Variants in MEGF10 observed in about 807,000 individuals in gnomAD.
MEGF10 encodes multiple epidermal growth factor-like domains protein 10.
Under a neutral mutation model 147.5 loss-of-function variants are expected in MEGF10, and 86 were observed. That is an observed-to-expected ratio of 0.58 (90% confidence interval 0.49 to 0.70). MEGF10 has a LOEUF of 0.70. MEGF10 is among the 30% of genes least tolerant of loss of function. The probability of loss-of-function intolerance (pLI) is 0.00; values close to 1 mark genes in which losing one functional copy is unlikely to be tolerated. For synonymous variants in MEGF10, 478 were observed against 525.5 expected, an observed-to-expected ratio of 0.91 and a Z score of 1.24; for missense variants, 1,329 against 1,487.3, an observed-to-expected ratio of 0.89 and a Z score of 1.75.
At chr5:127,280,178 TA>T in the MEGF10 span, among the ~76,000 whole-genome samples, 1 of 152,332 alleles carries the variant, frequency 6.6e-6, no homozygotes, top group South Asian at 2.1e-4. Flanking sequence ...TCTTCTTTGT[TA>T]AATATGAGAA....
In MEGF10 at chr5:127,405,976, T is replaced by C. The variant is rs185326992; in HGVS notation, c.917+3294T>C. Among the ~76,000 whole-genome samples, 253 of 152,304 alleles carry C rather than the reference T, an allele frequency of 1.7e-3. 1 individual carries two copies. The highest frequency in any genetic ancestry group is 5.7e-3 in the Admixed American group (87 of 15,306). ...ACTGACATCCTGGTTTTAGGTTGTA[T>C]TTTGGATAGATTAGGCTGTTAGATA... On this transcript the variant is annotated intron_variant, in intron 8 of 24. Transcript: ENST00000503335.
chr5:127,365,645 G>A (rs1316158300), intron 4 of MEGF10, among the ~76,000 whole-genome samples: 5 of 152,178 alleles, frequency 3.3e-5, no homozygotes, highest in African/African-American at 1.2e-4. Context: ...GGGAAAAGAC[G>A]TCTTGGCTGC....
chr5:127,319,058 T>A (rs1470163665), intron 1 of MEGF10, among the ~76,000 whole-genome samples: 1 of 74,588 alleles, frequency 1.3e-5, no homozygotes, highest in South Asian at 5.0e-4. Context: ...CCTCCCTCCC[T>A]CCCTTCCTCC....
chr5:127,376,763 G>A (rs1763046185), intron 5 of MEGF10, among the ~76,000 whole-genome samples: 1 of 152,204 alleles, frequency 6.6e-6, no homozygotes, highest in South Asian at 2.1e-4. Context: ...TAAGATGGTT[G>A]CAGTTATTGT....
chr5:127,258,088 A>G, the MEGF10 span, among the ~76,000 whole-genome samples: 1 of 152,230 alleles, frequency 6.6e-6, no homozygotes. Flanking sequence ...AGACCCATCA[A>G]TCTGATACTT....
chr5:127,305,864 C>A lies in MEGF10; in HGVS notation c.-19+14808C>A, dbSNP rs534684619. 4.6e-5 allele frequency among the ~76,000 whole-genome samples: 7 copies of A among 152,318 alleles called. No homozygotes were observed. In the South Asian group the frequency reaches 1.4e-3, roughly 32 times the overall value. The stretch of plus-strand genomic sequence containing the variant: ...AGTTGTCACCTCCCTGCACAATCAT[C>A]TTTGGTTGAAGATATTGAATTATAC... On this transcript the variant is annotated intron_variant, in intron 1 of 24. Coordinates refer to ENST00000503335, the MANE Select transcript of MEGF10 (RefSeq NM_001256545.2).
chr5:127,335,714 G>A (rs1761443719), intron 2 of MEGF10, among the ~76,000 whole-genome samples: 1 of 152,080 alleles, frequency 6.6e-6, no homozygotes, highest in East Asian at 1.9e-4. Flanking sequence ...TATGTGCATG[G>A]CATGATTATT....
chr5:127,307,860 G>A (rs1428008800), intron 1 of MEGF10, among the ~76,000 whole-genome samples: 7 of 152,176 alleles, frequency 4.6e-5, no homozygotes, highest in Admixed American at 1.3e-4. Flanking sequence ...ACAGAGCTTC[G>A]GTTCAGGAGT....
chr5:127,251,278 C>G, the MEGF10 span, among the ~76,000 whole-genome samples: 1 of 151,984 alleles, frequency 6.6e-6, no homozygotes, highest in Non-Finnish European at 1.5e-5. Flanking sequence ...CTAGGAGGAG[C>G]AGTATGCACA....
At chr5:127,307,752 C>A (rs1760078448) in intron 1 of MEGF10, among the ~76,000 whole-genome samples, 1 of 152,188 alleles carries the variant, frequency 6.6e-6, no homozygotes, top group Non-Finnish European at 1.5e-5. Flanking sequence ...ATGTTGCTAT[C>A]TTCTTTTATT....
chr5:127,299,746 T>G (rs1580678855), intron 1 of MEGF10, among the ~76,000 whole-genome samples: 1 of 22,988 alleles, frequency 4.4e-5, no homozygotes, highest in Non-Finnish European at 1.3e-4. Flanking sequence ...TTCCTTTTTG[T>G]TTTTTTTTTT....
Position 127,319,869 on chromosome 5 carries a change from G to A in MEGF10, c.-18-11422G>A, listed in dbSNP as rs572887113. ...TTATTATCTTTGCGTATAGCAATTC[G>A]TATTATTGGGCAAGACAGACTGACA... On this transcript the variant is annotated intron_variant, in intron 1 of 24. Transcript: ENST00000503335. Among the ~76,000 whole-genome samples, 277 of 152,292 alleles carry A rather than the reference G, an allele frequency of 1.8e-3. 1 individual carries two copies. Among genetic ancestry groups the A allele is most frequent in the African/African-American group, 6.3e-3 (261 of 41,570 alleles).
At chr5:127,348,117 G>A (rs27388) in intron 4 of MEGF10, among the ~76,000 whole-genome samples, 83,532 of 151,760 alleles carry the variant, frequency 0.55, 23,281 homozygotes, top group Middle Eastern at 0.74. Context: ...ATTTTCATGA[G>A]GTTTAAAGTA....
intron 4 of MEGF10, among the ~76,000 whole-genome samples, chr5:127,352,776 G>T (rs974500142): frequency 6.6e-6 from 1 of 152,206 alleles, no homozygotes; most frequent in Non-Finnish European, 1.5e-5. Context: ...AGAGCCATAA[G>T]AACAATGAAT....
the MEGF10 span, among the ~76,000 whole-genome samples, chr5:127,263,969 C>G: frequency 6.6e-6 from 1 of 152,112 alleles, no homozygotes; most frequent in Admixed American, 6.5e-5. Context: ...AAGAGCAACA[C>G]AAATTCACAG....
chr5:127,370,005 A>G lies in MEGF10; in HGVS notation c.412+3A>G. On this transcript the variant is annotated splice_donor_region_variant and intron_variant, in intron 5 of 24. Coordinates refer to ENST00000503335, the MANE Select transcript of MEGF10 (RefSeq NM_001256545.2). ...GGGAGGGACCAACTGCTCCAGTGGTAAGTTTCCACCTGCTGTTGTCTGTCT... is the reference window on the plus strand; with the variant it reads ...GGGAGGGACCAACTGCTCCAGTGGTGAGTTTCCACCTGCTGTTGTCTGTCT... The G allele has an allele frequency of 2.5e-6, 4 of 1,611,272 alleles. No individual in the cohort carries two copies. The highest frequency in any genetic ancestry group is 3.4e-6 in the Non-Finnish European group (4 of 1,177,786).
At chr5:127,444,118 A>C (rs1257851702) in intron 19 of MEGF10, among the ~76,000 whole-genome samples, 3 of 152,198 alleles carry the variant, frequency 2.0e-5, no homozygotes, top group Non-Finnish European at 1.5e-5. Flanking sequence ...ACTTTGAGAA[A>C]GTGCTTCTGA....
At chr5:127,235,037 G>A in the MEGF10 span, among the ~76,000 whole-genome samples, 1 of 151,918 alleles carries the variant, frequency 6.6e-6, no homozygotes, top group African/African-American at 2.4e-5. Context: ...GTAGAGATAG[G>A]GTTTTACCAT....
At chr5:127,342,863 A>G (rs1480311236) in intron 4 of MEGF10, among the ~76,000 whole-genome samples, 2 of 152,024 alleles carry the variant, frequency 1.3e-5, no homozygotes, top group African/African-American at 2.4e-5. Context: ...ATGCTAATAT[A>G]TTTAATCAGC....
Sources: allele counts gnomAD v4.1 joint callset (sites outside exome capture counted in the v4.1 genomes callset), GRCh38; gene constraint gnomAD v4.1.1; transcripts MANE v1.5; gene names NCBI Gene and HGNC (gene_info 2026-07-23, HGNC 2026-07-21).